Variants in TRAPPC9 observed in about 807,000 individuals in gnomAD.
The protein encoded by TRAPPC9 is IKK2 binding protein.
TRAPPC9 carries 83 observed loss-of-function variants against 124.0 expected under a neutral mutation model. The observed-to-expected ratio is 0.67, with a 90% CI of 0.56 to 0.80. TRAPPC9 has a LOEUF of 0.80. Ranked by LOEUF, TRAPPC9 falls within the 30% of genes least tolerant of loss-of-function variation. The pLI, the probability that TRAPPC9 is intolerant of heterozygous loss-of-function variation, is 0.00. For missense variants in TRAPPC9, 1,302 were observed against 1,508.3 expected, an observed-to-expected ratio of 0.86 and a Z score of 2.27; for synonymous variants, 638 against 617.5, an observed-to-expected ratio of 1.03 and a Z score of -0.49.
chr8:139,846,310 G>A (rs899555314), intron 21 of TRAPPC9, among the ~76,000 whole-genome samples: 9 of 152,076 alleles, frequency 5.9e-5, no homozygotes, highest in Non-Finnish European at 1.2e-4. Context: ...CCCACCCCCC[G>A]CAGCAGGCAG....
chr8:139,940,768 G>A (rs745845501), intron 19 of TRAPPC9, among the ~76,000 whole-genome samples: 6 of 152,230 alleles, frequency 3.9e-5, no homozygotes, highest in Admixed American at 1.3e-4. Context: ...CCTCATGGCC[G>A]TACAGAGCTT....
In TRAPPC9 at chr8:140,063,373, C is replaced by T. The variant is rs902245188; in HGVS notation, c.2557-39294G>A. 6.6e-6 allele frequency among the ~76,000 whole-genome samples: 1 copy of T among 152,290 alleles called. No homozygotes were observed. The highest frequency in any genetic ancestry group is 1.9e-4 in the East Asian group (1 of 5,176). ...TCAATTCTCACGTACCTTTCACGAG[C>T]CAGGTAACACGGTACTCACTTTGAG... On this transcript the variant is annotated intron_variant, in intron 17 of 22. Coordinates refer to ENST00000438773, the MANE Select transcript of TRAPPC9 (RefSeq NM_001160372.4). This position sits in a 1 kb window ranked among gnomAD's most constrained non-coding sequence, Gnocchi z 4.3.
chr8:140,434,536 AAGACTT>A (rs1356671680), intron 4 of TRAPPC9, among the ~76,000 whole-genome samples: 1 of 152,222 alleles, frequency 6.6e-6, no homozygotes, highest in African/African-American at 2.4e-5. Context: ...AATTATAAAA[AAGACTT>A]AGACACAGAA....
At chr8:140,185,775 T>C (rs1234585474) in intron 17 of TRAPPC9, among the ~76,000 whole-genome samples, 2 of 152,122 alleles carry the variant, frequency 1.3e-5, no homozygotes, top group East Asian at 3.9e-4. Flanking sequence ...TCGCAGCTGA[T>C]GGGGAGATGG....
intron 19 of TRAPPC9, among the ~76,000 whole-genome samples, chr8:139,982,647 C>T (rs1197959090): frequency 2.0e-5 from 3 of 152,218 alleles, no homozygotes; most frequent in Admixed American, 6.5e-5. Flanking sequence ...TGATGTATCA[C>T]ACATGCCACA....
chr8:139,876,414 C>T (rs556192131), intron 21 of TRAPPC9, among the ~76,000 whole-genome samples: 15 of 152,324 alleles, frequency 9.8e-5, no homozygotes, highest in Admixed American at 5.2e-4. Context: ...TCATGCGTAC[C>T]GGGACTCCTT....
intron 17 of TRAPPC9, among the ~76,000 whole-genome samples, chr8:140,109,919 A>ATTACAAGGAT (rs1269247641): frequency 2.0e-5 from 3 of 152,150 alleles, no homozygotes; most frequent in Non-Finnish European, 4.4e-5. Context: ...CCTTGTAAAA[A>ATTACAAGGAT]TTAATTACAC....
chr8:139,862,645 A>AC (rs1828243673), intron 21 of TRAPPC9, among the ~76,000 whole-genome samples: 1 of 152,086 alleles, frequency 6.6e-6, no homozygotes, highest in African/African-American at 2.4e-5. Flanking sequence ...GTGCTACCAG[A>AC]CCTCTCTTCC....
intron 21 of TRAPPC9, among the ~76,000 whole-genome samples, chr8:139,768,739 AC>A (rs1205348475): frequency 6.6e-6 from 1 of 152,244 alleles, no homozygotes; most frequent in African/African-American, 2.4e-5. Flanking sequence ...TTAAATGTCT[AC>A]TAACATACGT....
chr8:140,308,889 A>AAAAG, intron 10 of TRAPPC9, among the ~76,000 whole-genome samples: 1 of 152,144 alleles, frequency 6.6e-6, no homozygotes, highest in Admixed American at 6.5e-5. Context: ...TCAAAAAAAA[A>AAAAG]AAAGAAAGAA....
chr8:140,362,290 C>T (rs866860430), intron 8 of TRAPPC9, among the ~76,000 whole-genome samples: 13 of 152,240 alleles, frequency 8.5e-5, no homozygotes, highest in Middle Eastern at 6.8e-3. Flanking sequence ...TCCCATGTTG[C>T]GGACGTGCAT....
intron 21 of TRAPPC9, among the ~76,000 whole-genome samples, chr8:139,757,125 A>C (rs1411657839): frequency 7.8e-6 from 1 of 128,448 alleles, no homozygotes; most frequent in Non-Finnish European, 1.6e-5. Context: ...TCGCAGGAGG[A>C]GCCAGGGTTT....
chr8:140,186,599 T>C (rs1421058393), intron 17 of TRAPPC9, among the ~76,000 whole-genome samples: 3 of 152,166 alleles, frequency 2.0e-5, no homozygotes, highest in Non-Finnish European at 2.9e-5. Flanking sequence ...TGGCTACTCA[T>C]ATTTAATATT....
intron 20 of TRAPPC9, among the ~76,000 whole-genome samples, chr8:139,898,239 C>T (rs1397752109): frequency 6.6e-6 from 1 of 152,226 alleles, no homozygotes. Flanking sequence ...GGCTCTGGGC[C>T]CCGTGCCTCA....
At chr8:139,812,260 T>C (rs1440552553) in intron 21 of TRAPPC9, among the ~76,000 whole-genome samples, 3 of 152,196 alleles carry the variant, frequency 2.0e-5, no homozygotes, top group Non-Finnish European at 4.4e-5. Context: ...AGTATAATCA[T>C]AATACATGCT....
At chr8:140,152,447 G>A (rs1411274144) in intron 17 of TRAPPC9, among the ~76,000 whole-genome samples, 6 of 138,762 alleles carry the variant, frequency 4.3e-5, no homozygotes, top group East Asian at 4.4e-4. Context: ...TGCAAGCTCC[G>A]CCTCCCAGGT....
intron 20 of TRAPPC9, 121 bp from the exon 21 acceptor site, chr8:139,886,090 T>C (rs2131118608): frequency 1.1e-6 from 1 of 924,344 alleles, no homozygotes; most frequent in Non-Finnish European, 1.7e-6. Context: ...TCCCCTCTTC[T>C]GAAGGGACTG....
chr8:140,139,968 A>G (rs1396210386), intron 17 of TRAPPC9, among the ~76,000 whole-genome samples: 3 of 152,222 alleles, frequency 2.0e-5, no homozygotes, highest in African/African-American at 7.2e-5. Flanking sequence ...TTCTTAAACA[A>G]ACAGCTACCA....
chr8:139,858,024 T>A (rs1324911261), intron 21 of TRAPPC9, among the ~76,000 whole-genome samples: 1 of 152,218 alleles, frequency 6.6e-6, no homozygotes, highest in African/African-American at 2.4e-5. Context: ...CTGGGAGAAC[T>A]GCTTCCAAAA....
Sources: gnomAD v4.1 joint callset for allele counts (sites outside exome capture counted in the v4.1 genomes callset) on GRCh38, gnomAD v4.1.1 for gene constraint, Gnocchi (gnomAD v3.1) non-coding constraint, MANE v1.5 for transcripts, NCBI Gene and HGNC (gene_info 2026-07-23, HGNC 2026-07-21) for gene names.